The following GNA14 variants were observed in gnomAD, a reference collection of about 807,000 sequenced individuals.
GNA14 encodes the protein G protein subunit alpha 14, also known as guanine nucleotide-binding protein subunit alpha-14.
A neutral mutation model predicts 42.0 loss-of-function variants in GNA14; 50 were observed. That is an observed-to-expected ratio of 1.19 (90% CI 0.95 to 1.51). GNA14 has a LOEUF of 1.51. Ranked by LOEUF, GNA14 falls within the 40% of genes most tolerant of loss-of-function variation. The pLI is 0.00. For missense variants in GNA14, 473 were observed against 446.2 expected, an observed-to-expected ratio of 1.06 and a Z score of -0.54; for synonymous variants, 173 against 163.1, an observed-to-expected ratio of 1.06 and a Z score of -0.46.
At chr9:77,625,292 G>T (rs189535172) in intron 1 of GNA14, among the ~76,000 whole-genome samples, 7 of 152,036 alleles carry the variant, frequency 4.6e-5, no homozygotes, top group Non-Finnish European at 7.3e-5. Flanking sequence ...TAAAAGTGAC[G>T]GGGAGAATGG....
intron 2 of GNA14, among the ~76,000 whole-genome samples, chr9:77,469,365 T>TAAAAAAAAAAAAAAAAAAAAAA (rs10537760): frequency 8.6e-6 from 1 of 116,934 alleles, no homozygotes; most frequent in African/African-American, 3.2e-5. Flanking sequence ...TAAACTGTGT[T>TAAAAAAAAAAAAAAAAAAAAAA]AAAAAAAAAA....
At chr9:77,537,450 T>C (rs572372661) in intron 1 of GNA14, among the ~76,000 whole-genome samples, 75 of 152,348 alleles carry the variant, frequency 4.9e-4, no homozygotes, top group Non-Finnish European at 9.0e-4. Flanking sequence ...CCACTATGTA[T>C]ATATACCACA....
chr9:77,465,671 AT>A (rs11326483), intron 2 of GNA14, among the ~76,000 whole-genome samples: 150,866 of 151,028 alleles, frequency 1, 75,352 homozygotes, highest in Middle Eastern at 1. Context: ...TTGATATAGG[AT>A]TTTTTTTTTT....
intron 1 of GNA14, among the ~76,000 whole-genome samples, chr9:77,563,509 C>A (rs1411127368): frequency 6.6e-6 from 1 of 152,104 alleles, no homozygotes; most frequent in Non-Finnish European, 1.5e-5. Flanking sequence ...GCATTCCGAA[C>A]CAATATTGAC....
intron 2 of GNA14, among the ~76,000 whole-genome samples, chr9:77,441,601 T>C (rs1835736613): frequency 1.3e-5 from 2 of 152,200 alleles, no homozygotes; most frequent in African/African-American, 4.8e-5. Flanking sequence ...ATAAAATATA[T>C]TATTAAATAT....
intron 1 of GNA14, among the ~76,000 whole-genome samples, chr9:77,582,248 G>T (rs1303373154): frequency 1.3e-5 from 2 of 152,280 alleles, no homozygotes; most frequent in South Asian, 2.1e-4. Context: ...GAATATTTTA[G>T]GTTTGTGCTG....
At chr9:77,504,558 G>C (rs930219230) in intron 2 of GNA14, among the ~76,000 whole-genome samples, 52 of 150,072 alleles carry the variant, frequency 3.5e-4, no homozygotes, top group African/African-American at 1.2e-3. Context: ...AAGAGAGAGA[G>C]AGAGAGAGAG....
chr9:77,525,920 A>C (rs541083270), intron 2 of GNA14, among the ~76,000 whole-genome samples: 8 of 150,096 alleles, frequency 5.3e-5, no homozygotes, highest in East Asian at 2.0e-4. Context: ...AAAAAAAAAA[A>C]AAAACGGAGT....
chr9:77,618,609 T>C (rs1343415152), intron 1 of GNA14, among the ~76,000 whole-genome samples: 1 of 14,680 alleles, frequency 6.8e-5, no homozygotes, highest in Non-Finnish European at 1.5e-4. Context: ...TATATATATA[T>C]ATATATATAT....
chr9:77,636,309 T>C (rs1003500342), intron 1 of GNA14, among the ~76,000 whole-genome samples: 1 of 152,180 alleles, frequency 6.6e-6, no homozygotes, highest in African/African-American at 2.4e-5. Flanking sequence ...AAGATGGCTT[T>C]CAGGCAAAAC....
intron 1 of GNA14, among the ~76,000 whole-genome samples, chr9:77,598,443 C>T (rs1823501372): frequency 6.6e-6 from 1 of 152,240 alleles, no homozygotes; most frequent in East Asian, 1.9e-4. Flanking sequence ...TCACGTTACA[C>T]ATTTCTCTCT....
chr9:77,472,355 T>C (rs1443863), intron 2 of GNA14, among the ~76,000 whole-genome samples: 1,755 of 152,208 alleles, frequency 0.012, 46 homozygotes, highest in African/African-American at 0.04. Flanking sequence ...ATGGACTCAA[T>C]GATATGATGG....
intron 5 of GNA14, among the ~76,000 whole-genome samples, chr9:77,426,116 T>C (rs752383877): frequency 3.9e-5 from 6 of 152,056 alleles, no homozygotes; most frequent in African/African-American, 1.4e-4. Flanking sequence ...GCCACCTCAG[T>C]TGGTTATGGG....
At chr9:77,614,323 A>T (rs1823776821) in intron 1 of GNA14, among the ~76,000 whole-genome samples, 1 of 152,062 alleles carries the variant, frequency 6.6e-6, no homozygotes, top group Non-Finnish European at 1.5e-5. Context: ...AAAACTAGAC[A>T]CATACTCCTT....
chr9:77,477,578 T>C (rs775420822), intron 2 of GNA14, among the ~76,000 whole-genome samples: 14 of 152,120 alleles, frequency 9.2e-5, no homozygotes, highest in Non-Finnish European at 1.8e-4. Flanking sequence ...AGCACAGAAC[T>C]TCCTATCCTC....
At chr9:77,646,436 A>AC (rs151127946) in intron 1 of GNA14, among the ~76,000 whole-genome samples, 15,378 of 145,348 alleles carry the variant, frequency 0.11, 857 homozygotes, top group Non-Finnish European at 0.14. Context: ...GGAGGGGCAC[A>AC]CCCCCCCCCA....
chr9:77,500,682 T>TA (rs1836951783), intron 2 of GNA14, among the ~76,000 whole-genome samples: 1 of 152,212 alleles, frequency 6.6e-6, no homozygotes, highest in Non-Finnish European at 1.5e-5. Context: ...TCCAAATATA[T>TA]ACAAATGAAA....
chr9:77,478,235 T>C (rs1257858797), intron 2 of GNA14, among the ~76,000 whole-genome samples: 1 of 150,106 alleles, frequency 6.7e-6, no homozygotes, highest in African/African-American at 2.4e-5. Context: ...TGTCCATGTG[T>C]TCGCATTGTT....
intron 2 of GNA14, among the ~76,000 whole-genome samples, chr9:77,498,605 GCA>G (rs1836915290): frequency 6.6e-6 from 1 of 152,118 alleles, no homozygotes; most frequent in South Asian, 2.1e-4. Context: ...ATGATGCCTG[GCA>G]CACAGTGGGC....
Sources: allele counts gnomAD v4.1 joint callset (sites outside exome capture counted in the v4.1 genomes callset), GRCh38; gene constraint gnomAD v4.1.1; transcripts MANE v1.5; gene names NCBI Gene and HGNC (gene_info 2026-07-23, HGNC 2026-07-21).